MED13: variants seen among roughly 807,000 people sequenced by gnomAD.
MED13 encodes the protein mediator of RNA polymerase II transcription subunit 13.
A neutral mutation model predicts 225.2 loss-of-function variants in MED13; 23 were observed. The ratio of observed to expected loss-of-function variants is 0.10; its 90% CI spans 0.07 to 0.14. MED13 has a LOEUF of 0.14. Ranked by LOEUF, MED13 falls within the 10% of genes least tolerant of loss-of-function variation. The pLI is 1.00. For missense variants in MED13, 2,197 were observed against 2,594.5 expected (o/e 0.85, Z 3.33); for synonymous variants, 942 against 889.2 (o/e 1.06, Z -1.06).
Position 62,011,011 on chromosome 17 carries a change from T to C in MED13, c.1506A>G (p.Pro502=). 1.2e-6 allele frequency: 2 copies of C among 1,614,150 alleles called. No individual in the cohort carries two copies. Among genetic ancestry groups the C allele is most frequent in the Non-Finnish European group, 1.7e-6 (2 of 1,179,962 alleles). The change falls in exon 9 of 30, where the codon CCA becomes CCG. Residue 502 remains proline (P), a synonymous_variant. Transcript: ENST00000397786. ...TATTTGAAAATCTCACTTGACTGTC[T>C]GGAGCAGAGATCACAAGTCTTTGGC... The part of the protein sequence containing the change: ...SASQRLVISA[P]DSQVRFSNIR...
Position 61,950,923 on chromosome 17 carries a change from G to C in MED13, c.6193C>G (p.Leu2065Val), listed in dbSNP as rs753638047. ...VPNILQQPLA[L>V]GYFVSTAKAG... ...TTGGCAGTTGATACAAAGTAACCAA[G>C]GGCCAATGGTTGCTGAAGAATATTA... The change falls in exon 28 of 30, where the codon CTT (leucine) becomes GTT (valine). Residue 2065 changes from leucine to valine, a missense_variant. Physicochemically the swap from Leu to Val is conservative, Grantham distance 32 (BLOSUM62 1). This residue lies in a region of MED13 where 216 missense variants were observed against 388.9 expected (regional missense o/e 0.56). Transcript: ENST00000397786. The C allele has an allele frequency of 1.2e-6, 2 of 1,613,894 alleles. No individual in the cohort carries two copies. Among genetic ancestry groups the C allele is most frequent in the Admixed American group, 3.3e-5 (2 of 60,004 alleles).
chr17:61,958,161 G>C (rs1264429312), intron 23 of MED13, among the ~76,000 whole-genome samples: 1 of 151,928 alleles, frequency 6.6e-6, no homozygotes, highest in African/African-American at 2.4e-5. Context: ...ACCGCGCCCA[G>C]CTGGCTATTA....
intron 2 of MED13, among the ~76,000 whole-genome samples, chr17:62,056,928 A>T (rs948128811): frequency 2.0e-5 from 3 of 152,206 alleles, no homozygotes; most frequent in Non-Finnish European, 4.4e-5. Flanking sequence ...CACAAATGCT[A>T]AATTTGATTA....
chr17:61,997,175 T>G (rs1485824521), intron 9 of MED13, among the ~76,000 whole-genome samples: 1 of 152,188 alleles, frequency 6.6e-6, no homozygotes, highest in African/African-American at 2.4e-5. Flanking sequence ...CTAACACTAG[T>G]AGCACTTGAT....
intron 10 of MED13, among the ~76,000 whole-genome samples, chr17:61,993,482 G>T (rs1014359735): frequency 1.3e-5 from 2 of 151,592 alleles, no homozygotes; most frequent in Non-Finnish European, 2.9e-5. Flanking sequence ...GATTACAGGC[G>T]TGAGACACAG....
Position 62,002,264 on chromosome 17 carries a change from C to T in MED13, c.1968-6899G>A, listed in dbSNP as rs577373952. Among the ~76,000 whole-genome samples, 20 of 151,978 alleles carry T rather than the reference C, an allele frequency of 1.3e-4. No individual in the cohort carries two copies. In the East Asian group the frequency reaches 3.9e-3, roughly 29 times the overall value. On this transcript the variant is annotated intron_variant, in intron 9 of 29. Coordinates refer to ENST00000397786, the MANE Select transcript of MED13 (RefSeq NM_005121.3). ...CAGCACTTTGGGAGGCTGAGGTGGG[C>T]GGATCACCTGAGGTAGGGAGTTCAA...
chr17:61,972,247 T>A (rs2080116384), intron 17 of MED13, among the ~76,000 whole-genome samples: 1 of 152,138 alleles, frequency 6.6e-6, no homozygotes, highest in Non-Finnish European at 1.5e-5. Context: ...TGACAATAAA[T>A]CTGCATACCT....
At chr17:61,988,283 A>C (rs2080265784) in intron 11 of MED13, among the ~76,000 whole-genome samples, 1 of 152,216 alleles carries the variant, frequency 6.6e-6, no homozygotes, top group African/African-American at 2.4e-5. Context: ...TAGTTACCGT[A>C]CTACAATTTT....
chr17:62,051,027 T>C (rs1046338758), intron 3 of MED13, among the ~76,000 whole-genome samples: 1 of 152,206 alleles, frequency 6.6e-6, no homozygotes, highest in African/African-American at 2.4e-5. Flanking sequence ...TAAATGTATA[T>C]GGCAGATATT....
intron 27 of MED13, among the ~76,000 whole-genome samples, chr17:61,952,270 C>T (rs956769853): frequency 6.6e-6 from 1 of 152,152 alleles, no homozygotes; most frequent in Admixed American, 6.5e-5. Flanking sequence ...AAGGACAAGA[C>T]AGCCTGCTTC....
Position 61,962,276 on chromosome 17 carries a change from C to T in MED13, c.5064+476G>A, listed in dbSNP as rs529723476. On this transcript the variant is annotated intron_variant, in intron 21 of 29. Coordinates refer to ENST00000397786, the MANE Select transcript of MED13 (RefSeq NM_005121.3). ...ACTCCAGTCTGGCGACAGAGCGAGA[C>T]TCTGTCTCAGAAAAAAAACAACAAC... 2.6e-5 allele frequency among the ~76,000 whole-genome samples: 4 copies of T among 152,222 alleles called. No individual in the cohort carries two copies. The East Asian group carries it at 5.8e-4, about 22-fold the overall frequency.
chr17:62,064,779 T>C (rs2081067704), intron 1 of MED13, among the ~76,000 whole-genome samples: 1 of 151,806 alleles, frequency 6.6e-6, no homozygotes, highest in Non-Finnish European at 1.5e-5. Context: ...GGGGCAATAA[T>C]GTAAAGTGTG....
rs574673613 is a variant in MED13, at chr17:62,049,539, C to G, written c.470+2998G>C. Among the ~76,000 whole-genome samples, 126 of 152,146 alleles carry G rather than the reference C, an allele frequency of 8.3e-4. 1 individual carries two copies. Among genetic ancestry groups the G allele is most frequent in the Admixed American group, 8.1e-3 (123 of 15,276 alleles). ...AAAACTTTATTTACAAAAAAAGTGGCAGAGTACAGGCAGGTGTTTACTAAC... is the reference window on the plus strand; with the variant it reads ...AAAACTTTATTTACAAAAAAAGTGGGAGAGTACAGGCAGGTGTTTACTAAC... On this transcript the variant is annotated intron_variant, in intron 3 of 29. Transcript: ENST00000397786.
At chr17:62,011,964 C>T (rs1023726491) in intron 8 of MED13, among the ~76,000 whole-genome samples, 23 of 152,162 alleles carry the variant, frequency 1.5e-4, no homozygotes, top group Non-Finnish European at 3.2e-4. Context: ...CACCTGCAAT[C>T]CCAGCACTTT....
intron 2 of MED13, among the ~76,000 whole-genome samples, chr17:62,059,477 G>A (rs1210503160): frequency 6.6e-6 from 1 of 152,200 alleles, no homozygotes; most frequent in East Asian, 1.9e-4. Flanking sequence ...TGCCTGTGAA[G>A]AGCAGGCTCA....
Position 61,956,413 on chromosome 17 carries a change from A to G in MED13, c.5549T>C (p.Leu1850Pro). Residue 1850 changes from leucine to proline, a missense_variant, in exon 24 of 30, where the codon CTT becomes CCT. Physicochemically the swap from Leu to Pro is moderately conservative, Grantham distance 98 (BLOSUM62 -3). Transcript: ENST00000397786. ...LQKLWEWCLG[L>P]VQMSSLPWRV... ...CCATGGCAATGAACTCATTTGTACAAGTCCTAAGCACCACTCCCAAAGTTT... is the reference window on the plus strand; with the variant it reads ...CCATGGCAATGAACTCATTTGTACAGGTCCTAAGCACCACTCCCAAAGTTT... 6.2e-7 allele frequency: 1 copy of G among 1,613,960 alleles called. No individual in the cohort carries two copies. Among genetic ancestry groups the G allele is most frequent in the African/African-American group, 1.3e-5 (1 of 75,050 alleles).
At chr17:62,063,788 C>T (rs1455717975) in intron 1 of MED13, among the ~76,000 whole-genome samples, 1 of 152,164 alleles carries the variant, frequency 6.6e-6, no homozygotes, top group East Asian at 1.9e-4. Context: ...ACACCCCTGT[C>T]GGAAAAGTCA....
In MED13 at chr17:61,984,601, T is replaced by A. The variant is rs750105469; in HGVS notation, c.2691+50A>T. Reference sequence around the variant, plus strand: ...TTTGACTATAGCAACAAATTAATTCTATAAGAAAATATAGGAAGTGAATTA... The same window carrying A: ...TTTGACTATAGCAACAAATTAATTCAATAAGAAAATATAGGAAGTGAATTA... On this transcript the variant is annotated intron_variant, in intron 14 of 29. Transcript: ENST00000397786. The A allele has an allele frequency of 4.1e-6, 6 of 1,471,124 alleles. No homozygotes were observed. The Middle Eastern group carries it at 6.4e-4, about 156-fold the overall frequency. The allele number at this position is 1,471,124 out of a possible 1,614,324, so 91.1% of individuals were successfully genotyped here.
chr17:62,053,353 T>G (rs1221319505), intron 2 of MED13, among the ~76,000 whole-genome samples: 1 of 152,216 alleles, frequency 6.6e-6, no homozygotes, highest in East Asian at 1.9e-4. Flanking sequence ...ACTTAAATTG[T>G]AAATGGCACT....
Sources: gnomAD v4.1 joint callset for allele counts (sites outside exome capture counted in the v4.1 genomes callset) on GRCh38, gnomAD v4.1.1 for gene constraint, gnomAD v4.1.1 regional missense constraint, MANE v1.5 for transcripts, NCBI Gene and HGNC (gene_info 2026-07-23, HGNC 2026-07-21) for gene names.